Variants in ENDOD1 observed in about 807,000 individuals in gnomAD.
The protein encoded by ENDOD1 is endonuclease domain containing 1.
ENDOD1 carries 9 observed loss-of-function variants against 6.5 expected under a neutral mutation model. The observed-to-expected ratio is 1.39, with a 90% CI of 0.84 to 2.43. ENDOD1 has a LOEUF of 2.43. Ranked by LOEUF, ENDOD1 falls within the 30% of genes most tolerant of loss-of-function variation. ENDOD1 has a pLI of 0.00. For synonymous variants in ENDOD1, 255 were observed against 255.2 expected (o/e 1.00, Z 0.01); for missense variants, 648 against 635.5 (o/e 1.02, Z -0.21).
Position 95,129,548 on chromosome 11 carries a change from A to C in ENDOD1, c.1472A>C (p.Lys491Thr). The C allele has an allele frequency of 6.2e-7, 1 of 1,613,586 alleles. No homozygotes were observed. The highest frequency in any genetic ancestry group is 8.5e-7 in the Non-Finnish European group (1 of 1,179,696). Residue 491 changes from lysine to threonine, a missense_variant, in exon 2 of 2, where the codon AAG becomes ACG. Coordinates refer to ENST00000278505, the MANE Select transcript of ENDOD1 (RefSeq NM_015036.3). ...VFSVCKRIGY[K>T]VTFDNSGEL is the part of the protein sequence containing the mutation. ...AGTGTCTGCAAGCGGATTGGCTACA[A>C]GGTTACTTTTGACAATTCTGGGGAG... is the stretch of plus-strand genomic sequence containing the variant.
At chr11:95,121,557 C>A (rs1859262176) in intron 1 of ENDOD1, among the ~76,000 whole-genome samples, 1 of 152,160 alleles carries the variant, frequency 6.6e-6, no homozygotes, top group Non-Finnish European at 1.5e-5. Flanking sequence ...CCCTCCAATA[C>A]TCTTTTCAAT....
At chr11:95,113,644 A>G (rs1013527139) in intron 1 of ENDOD1, among the ~76,000 whole-genome samples, 7 of 152,146 alleles carry the variant, frequency 4.6e-5, no homozygotes, top group Admixed American at 4.6e-4. Context: ...TTCTTTATTC[A>G]TCTGTTGAAG....
intron 1 of ENDOD1, among the ~76,000 whole-genome samples, chr11:95,099,098 T>C (rs1555110614): frequency 1.3e-5 from 2 of 152,192 alleles, no homozygotes; most frequent in South Asian, 2.1e-4. Context: ...AAGTACTCCA[T>C]TGGGCCGAGG....
intron 1 of ENDOD1, among the ~76,000 whole-genome samples, chr11:95,092,936 A>G (rs940793662): frequency 3.3e-5 from 5 of 152,234 alleles, no homozygotes; most frequent in Non-Finnish European, 4.4e-5. Context: ...GGACCCGCAC[A>G]CAGGGGAGGA....
In ENDOD1 at chr11:95,128,907, G is replaced by GA; in HGVS notation, c.835dup (p.Met279AsnfsTer9). Reference sequence around the variant, plus strand: ...GTGGTGAAACTGAGCAAGACACAGAGAAAATGAAAAAAATCCTGGAAGTGG... The same window carrying GA: ...GTGGTGAAACTGAGCAAGACACAGAGAAAAATGAAAAAAATCCTGGAAGTGG... On this transcript the variant is annotated frameshift_variant, in exon 2 of 2. Transcript: ENST00000278505. LOFTEE classifies it low-confidence loss of function (END_TRUNC). 6.2e-7 allele frequency: 1 copy of GA among 1,613,584 alleles called. No homozygotes were observed. The highest frequency in any genetic ancestry group is 8.5e-7 in the Non-Finnish European group (1 of 1,179,848).
chr11:95,089,894 G>A lies in ENDOD1; in HGVS notation c.-34G>A, dbSNP rs1555109593. On this transcript the variant is annotated 5_prime_UTR_variant, in exon 1 of 2. Coordinates refer to ENST00000278505, the MANE Select transcript of ENDOD1 (RefSeq NM_015036.3). ...GCAGAGCTCGCGCCGCGGCAGCCCAGCCGCTCGGCCCCGCCGCGCTCGCAG... is the reference window on the plus strand; with the variant it reads ...GCAGAGCTCGCGCCGCGGCAGCCCAACCGCTCGGCCCCGCCGCGCTCGCAG... The A allele has an allele frequency of 3.8e-6, 5 of 1,305,108 alleles. No homozygotes were observed. The highest frequency in any genetic ancestry group is 4.9e-6 in the Non-Finnish European group (5 of 1,024,394). The allele number at this position is 1,305,108 out of a possible 1,614,324, so 80.8% of individuals were successfully genotyped here.
At position 95,111,287 on chromosome 11, in the gene ENDOD1, C is replaced by T. The variant is rs76225566; in HGVS notation, c.301-17090C>T. Reference sequence around the variant, plus strand: ...CCTTCTGAGCATTCCCCTTGGGATGCTCTAGAGTAGAAGTCCCCAACCTTT... The same window carrying T: ...CCTTCTGAGCATTCCCCTTGGGATGTTCTAGAGTAGAAGTCCCCAACCTTT... On this transcript the variant is annotated intron_variant, in intron 1 of 1. Transcript: ENST00000278505. Among the ~76,000 whole-genome samples the T allele has an allele frequency of 5.2e-3, 795 of 152,216 alleles. 9 individuals are homozygous for T. The highest frequency in any genetic ancestry group is 0.018 in the African/African-American group (765 of 41,524).
At chr11:95,096,227 C>CTTTTT (rs10660230) in intron 1 of ENDOD1, among the ~76,000 whole-genome samples, 4,798 of 49,970 alleles carry the variant, frequency 0.096, 1,894 homozygotes, top group Non-Finnish European at 0.11. Flanking sequence ...GTCAAGAAAG[C>CTTTTT]TTTTTTTTTT....
Position 95,090,024 on chromosome 11 carries a change from GAAT to G in ENDOD1, c.98_100del (p.Glu33_Cys34delinsGly). ...GGGCGAGGAGGAAGCCGGCTTTGGC[GAAT>G]GTGACAAGTTCTTCTACGCCGGGAC... is the stretch of plus-strand genomic sequence containing the variant. On this transcript the variant is annotated inframe_deletion, in exon 1 of 2. Transcript: ENST00000278505. 1 of 1,591,916 alleles carries G rather than the reference GAAT, an allele frequency of 6.3e-7. No homozygotes were observed. The highest frequency in any genetic ancestry group is 8.5e-7 in the Non-Finnish European group (1 of 1,170,890).
intron 1 of ENDOD1, among the ~76,000 whole-genome samples, chr11:95,092,910 G>A (rs1276110275): frequency 6.6e-6 from 1 of 152,172 alleles, no homozygotes; most frequent in African/African-American, 2.4e-5. Flanking sequence ...TTTTTATGAG[G>A]TCAGTGTTAC....
chr11:95,128,850 T>G lies in ENDOD1; in HGVS notation c.774T>G (p.Leu258=), dbSNP rs759501708. ...TGGTAAAAGATCTTCAGAAACTGCTTCCATTTAACCCTCAGCTGTTTCAGA... is the reference window on the plus strand; with the variant it reads ...TGGTAAAAGATCTTCAGAAACTGCTGCCATTTAACCCTCAGCTGTTTCAGA... ...DVMVKDLQKL[L]PFNPQLFQNN... The change falls in exon 2 of 2, where the codon CTT becomes CTG. Residue 258 remains leucine (L), a synonymous_variant. Coordinates refer to ENST00000278505, the MANE Select transcript of ENDOD1 (RefSeq NM_015036.3). 1.4e-5 allele frequency: 23 copies of G among 1,614,016 alleles called. No homozygotes were observed. The South Asian group carries it at 2.3e-4, about 16-fold the overall frequency.
At chr11:95,097,651 A>G (rs1177065387) in intron 1 of ENDOD1, among the ~76,000 whole-genome samples, 3 of 152,210 alleles carry the variant, frequency 2.0e-5, no homozygotes, top group African/African-American at 4.8e-5. Flanking sequence ...GAGAATAGAC[A>G]TGTGGTGTTA....
intron 1 of ENDOD1, among the ~76,000 whole-genome samples, chr11:95,098,213 T>A (rs1377741237): frequency 6.6e-6 from 1 of 152,176 alleles, no homozygotes; most frequent in East Asian, 1.9e-4. Flanking sequence ...TCTTGTTTAA[T>A]GGGTATAAAG....
chr11:95,095,915 T>C (rs568516264), intron 1 of ENDOD1, among the ~76,000 whole-genome samples: 6 of 152,254 alleles, frequency 3.9e-5, no homozygotes, highest in Non-Finnish European at 8.8e-5. Context: ...GAATCCAAAC[T>C]GGCTGACTAG....
intron 1 of ENDOD1, among the ~76,000 whole-genome samples, chr11:95,104,992 A>G (rs187318492): frequency 6.6e-6 from 1 of 152,264 alleles, no homozygotes; most frequent in East Asian, 1.9e-4. Context: ...CTTGGTTGTG[A>G]CTGGCATGGA....
intron 1 of ENDOD1, among the ~76,000 whole-genome samples, chr11:95,124,610 G>C (rs901514626): frequency 6.6e-6 from 1 of 152,228 alleles, no homozygotes. Flanking sequence ...CCCAGGGCAG[G>C]GGGGTGCACA....
chr11:95,123,522 A>G (rs564674770), intron 1 of ENDOD1, among the ~76,000 whole-genome samples: 1 of 151,938 alleles, frequency 6.6e-6, no homozygotes, highest in East Asian at 1.9e-4. Context: ...TGTTACCATC[A>G]GTAAAAGTGT....
chr11:95,132,287 A>T lies in ENDOD1; in HGVS notation c.*2708A>T, dbSNP rs1859378428. On this transcript the variant is annotated 3_prime_UTR_variant, in exon 2 of 2. Coordinates refer to ENST00000278505, the MANE Select transcript of ENDOD1 (RefSeq NM_015036.3). ...CAGCACTTCGATCTAAATGCAGACT[A>T]GGTAGTTGGGAGGAGGAACCAAAGT... 6.6e-6 allele frequency: 1 copy of T among 152,656 alleles called. No homozygotes were observed. Among genetic ancestry groups the T allele is most frequent in the South Asian group, 2.1e-4 (1 of 4,824 alleles). 9.5% of individuals were successfully genotyped at this position (152,656 alleles called of 1,614,324 possible).
At position 95,090,245 on chromosome 11, in the gene ENDOD1, C is replaced by T. The variant is rs1000369317; in HGVS notation, c.300+18C>T. On this transcript the variant is annotated intron_variant, in intron 1 of 1. Coordinates refer to ENST00000278505, the MANE Select transcript of ENDOD1 (RefSeq NM_015036.3). ...AGCCGCAGGTAAGCGAAGTGGTTCC[C>T]GAGCCGGGCTGCGGGCGCCGGAGAC... 1.5e-6 allele frequency: 2 copies of T among 1,361,370 alleles called. No individual in the cohort carries two copies. Among genetic ancestry groups the T allele is most frequent in the African/African-American group, 1.5e-5 (1 of 65,788 alleles). The allele number at this position is 1,361,370 out of a possible 1,614,324, so 84.3% of individuals were successfully genotyped here. A position where few individuals can be genotyped will look rare whatever the true frequency, so the allele number is the denominator to read the frequency against.
Sources: gnomAD v4.1 joint callset for allele counts (sites outside exome capture counted in the v4.1 genomes callset) on GRCh38, gnomAD v4.1.1 for gene constraint, MANE v1.5 for transcripts, NCBI Gene and HGNC (gene_info 2026-07-23, HGNC 2026-07-21) for gene names.